Variants in CPXM2 observed in about 807,000 individuals in gnomAD.
The protein encoded by CPXM2 is inactive carboxypeptidase-like protein X2.
CPXM2 carries 66 observed loss-of-function variants against 86.1 expected under a neutral mutation model. That is an observed-to-expected ratio of 0.77 (90% CI 0.63 to 0.94). CPXM2 has a LOEUF of 0.94. CPXM2 is among the 40% of genes least tolerant of loss of function. CPXM2 has a pLI of 0.00. For synonymous variants in CPXM2, 388 were observed against 400.2 expected (o/e 0.97, Z 0.36); for missense variants, 948 against 1,026.3 (o/e 0.92, Z 1.04).
rs536351776 is a variant in CPXM2 at position 123,909,006 on chromosome 10, A to C, written n.175-28697T>G. On this transcript the variant is annotated intron_variant and non_coding_transcript_variant, in intron 2 of 19. Coordinates refer to the CPXM2 transcript ENST00000368854. ...GGAGGCTCATTGTTAACTCTCACTA[A>C]ATTTAAGTGAATACTTTGTAATAAC... 2.4e-3 allele frequency among the ~76,000 whole-genome samples: 361 copies of C among 152,334 alleles called. 2 individuals are homozygous for C. The highest frequency in any genetic ancestry group is 8.1e-3 in the African/African-American group (335 of 41,580).
chr10:123,819,005 C>T (rs1283485793), intron 4 of CPXM2, among the ~76,000 whole-genome samples: 1 of 152,162 alleles, frequency 6.6e-6, no homozygotes, highest in Non-Finnish European at 1.5e-5. Flanking sequence ...GAGGTCTTAG[C>T]TCCAGAGGGA....
intron 2 of CPXM2, among the ~76,000 whole-genome samples, chr10:123,924,878 G>C (rs990786125): frequency 1.3e-5 from 2 of 151,214 alleles, no homozygotes; most frequent in African/African-American, 2.5e-5. Context: ...CAGGGTCAAA[G>C]ACCCTGATTA....
intron 2 of CPXM2, among the ~76,000 whole-genome samples, chr10:123,900,296 C>T (rs1300308015): frequency 6.6e-6 from 1 of 152,158 alleles, no homozygotes; most frequent in Non-Finnish European, 1.5e-5. Context: ...CCTGCTTTGG[C>T]CTCCCAAAGT....
intron 4 of CPXM2, among the ~76,000 whole-genome samples, chr10:123,827,736 G>A (rs1848077921): frequency 6.6e-6 from 1 of 152,124 alleles, no homozygotes; most frequent in South Asian, 2.1e-4. Context: ...ATATAGAAAA[G>A]CAAAGGAGCA....
chr10:123,820,526 T>A (rs1847903035), intron 4 of CPXM2, among the ~76,000 whole-genome samples: 1 of 152,206 alleles, frequency 6.6e-6, no homozygotes, highest in African/African-American at 2.4e-5. Flanking sequence ...CTGTATGAAT[T>A]CCCTATGACT....
At chr10:123,857,945 C>A (rs1316330509) in intron 3 of CPXM2, among the ~76,000 whole-genome samples, 1 of 151,826 alleles carries the variant, frequency 6.6e-6, no homozygotes, top group Non-Finnish European at 1.5e-5. Flanking sequence ...CATTCATAGA[C>A]TTTACACTCA....
In CPXM2 at chr10:123,818,586, T is replaced by C. The variant is rs1219607563; in HGVS notation, c.654-19387A>G. 2.6e-5 allele frequency among the ~76,000 whole-genome samples: 4 copies of C among 152,196 alleles called. No homozygotes were observed. In the East Asian group the frequency reaches 5.8e-4, roughly 22 times the overall value. The stretch of plus-strand genomic sequence containing the variant: ...CCATCTGTGGACTCACGGAATGCCT[T>C]ATCCACTGTCACGGTATTCTGCACA... On this transcript the variant is annotated intron_variant, in intron 4 of 13. Coordinates refer to ENST00000241305, the MANE Select transcript of CPXM2 (RefSeq NM_198148.3).
At chr10:123,887,036 C>T (rs1479615685) in intron 1 of CPXM2, 1 of 152,136 alleles carries the variant, frequency 6.6e-6, no homozygotes, top group Non-Finnish European at 1.5e-5. Context: ...TTAAATCATT[C>T]CAACTGCAGG....
At chr10:123,854,394 AT>A (rs1415738485) in intron 3 of CPXM2, among the ~76,000 whole-genome samples, 5 of 120,000 alleles carry the variant, frequency 4.2e-5, no homozygotes, top group East Asian at 4.3e-4. Context: ...TAATATATAT[AT>A]TATATATATA....
At chr10:123,926,856 TTA>T (rs1184656766) in intron 2 of CPXM2, among the ~76,000 whole-genome samples, 2 of 152,192 alleles carry the variant, frequency 1.3e-5, no homozygotes, top group African/African-American at 4.8e-5. Flanking sequence ...GCTCCAGATT[TTA>T]TGTTATGTGA....
chr10:123,815,123 T>G (rs1370326582), intron 4 of CPXM2, among the ~76,000 whole-genome samples: 1 of 152,224 alleles, frequency 6.6e-6, no homozygotes, highest in Non-Finnish European at 1.5e-5. Context: ...ATAATACCTT[T>G]GACCATATGT....
chr10:123,749,391 A>G (rs1179018812), intron 13 of CPXM2, among the ~76,000 whole-genome samples: 11 of 152,060 alleles, frequency 7.2e-5, no homozygotes, highest in Non-Finnish European at 2.9e-5. Context: ...TCATATTTCT[A>G]ATAAGAAGCC....
intron 4 of CPXM2, among the ~76,000 whole-genome samples, chr10:123,800,457 C>T (rs1488029873): frequency 1.3e-5 from 2 of 152,152 alleles, no homozygotes; most frequent in African/African-American, 4.8e-5. Flanking sequence ...GGCAACAGCT[C>T]CTTCCTTTGC....
intron 2 of CPXM2, among the ~76,000 whole-genome samples, chr10:123,923,181 C>T (rs917611276): frequency 2.0e-5 from 3 of 151,596 alleles, no homozygotes; most frequent in Non-Finnish European, 4.4e-5. Context: ...AAGTTGATGT[C>T]GTGGAAAAGA....
chr10:123,802,603 C>T (rs1178479725), intron 4 of CPXM2, among the ~76,000 whole-genome samples: 8 of 152,176 alleles, frequency 5.3e-5, no homozygotes, highest in Admixed American at 5.2e-4. Flanking sequence ...AAGAGTGCTT[C>T]TGTGAACATT....
At chr10:123,822,257 T>C (rs1339436092) in intron 4 of CPXM2, among the ~76,000 whole-genome samples, 5 of 152,250 alleles carry the variant, frequency 3.3e-5, no homozygotes, top group Non-Finnish European at 7.3e-5. Context: ...AACTTTTCTT[T>C]ATAGACAGTG....
chr10:123,937,978 AGAATT>A (rs1439520635), intron 2 of CPXM2, among the ~76,000 whole-genome samples: 2 of 152,162 alleles, frequency 1.3e-5, no homozygotes, highest in Non-Finnish European at 2.9e-5. Context: ...CCTTCTGAAT[AGAATT>A]AAGATTCCTT....
chr10:123,923,832 C>T (rs1945599374), intron 2 of CPXM2, among the ~76,000 whole-genome samples: 1 of 152,184 alleles, frequency 6.6e-6, no homozygotes, highest in Non-Finnish European at 1.5e-5. Flanking sequence ...CCTGCACACG[C>T]TCTCTCCTCT....
At chr10:123,869,541 C>T (rs758939562) in intron 2 of CPXM2, among the ~76,000 whole-genome samples, 3 of 152,162 alleles carry the variant, frequency 2.0e-5, no homozygotes, top group African/African-American at 4.8e-5. Context: ...CAATCATCCA[C>T]GATGAATCTG....
Sources: gnomAD v4.1 joint callset for allele counts (sites outside exome capture counted in the v4.1 genomes callset) on GRCh38, gnomAD v4.1.1 for gene constraint, MANE v1.5 for transcripts, NCBI Gene and HGNC (gene_info 2026-07-23, HGNC 2026-07-21) for gene names.